CLASP1: variants seen among roughly 807,000 people sequenced by gnomAD.
CLASP1 encodes the protein cytoplasmic linker associated protein 1.
In CLASP1, 38 loss-of-function variants were observed where a neutral mutation model predicts 192.3. That is an observed-to-expected ratio of 0.20 (90% CI 0.15 to 0.26). The LOEUF (loss-of-function observed/expected upper bound fraction) is 0.26, where lower values mean the gene tolerates loss of function less well. CLASP1 is among the 10% of genes least tolerant of loss of function. CLASP1 has a pLI of 1.00. For synonymous variants in CLASP1, 691 were observed against 712.8 expected (o/e 0.97, Z 0.49); for missense variants, 1,433 against 1,932.5 (o/e 0.74, Z 4.85).
chr2:121,634,818 C>T (rs1205109898), intron 1 of CLASP1, among the ~76,000 whole-genome samples: 2 of 152,054 alleles, frequency 1.3e-5, no homozygotes, highest in African/African-American at 4.8e-5. Flanking sequence ...GGATCCCATG[C>T]CTGGAGGATA....
chr2:121,368,388 A>C (rs764298732), intron 34 of CLASP1, among the ~76,000 whole-genome samples: 15 of 152,106 alleles, frequency 9.9e-5, no homozygotes, highest in Non-Finnish European at 1.8e-4. Context: ...CTTCTTTTAG[A>C]TATTTCTGAC....
intron 9 of CLASP1, among the ~76,000 whole-genome samples, chr2:121,469,085 C>T (rs779081668): frequency 6.6e-6 from 1 of 152,188 alleles, no homozygotes; most frequent in East Asian, 1.9e-4. Flanking sequence ...GTCACTCTTC[C>T]GTGGGGCTGC....
intron 8 of CLASP1, among the ~76,000 whole-genome samples, chr2:121,482,197 G>C (rs1476268249): frequency 1.3e-5 from 2 of 152,160 alleles, no homozygotes; most frequent in Non-Finnish European, 2.9e-5. Context: ...GACTCTTCCT[G>C]AACAGATGTA....
exon 22 of CLASP1, chr2:121,425,149 T>C (rs1403818244): frequency 6.2e-7 from 1 of 1,610,648 alleles, no homozygotes; most frequent in Non-Finnish European, 8.5e-7. Flanking sequence ...CTAATCCTAT[T>C]CGGTTTGGAC....
intron 6 of CLASP1, among the ~76,000 whole-genome samples, chr2:121,518,228 T>C (rs2094366433): frequency 1.2e-5 from 1 of 85,488 alleles, no homozygotes; most frequent in South Asian, 4.2e-4. Flanking sequence ...GAGACCCCCG[T>C]CTCAAAAAAA....
Position 121,372,869 on chromosome 2 carries a change from C to T in CLASP1, c.3642+4630G>A, listed in dbSNP as rs1464659730. Among the ~76,000 whole-genome samples, 6 of 152,174 alleles carry T rather than the reference C, an allele frequency of 3.9e-5. No homozygotes were observed. In the South Asian group the frequency reaches 6.2e-4, roughly 16 times the overall value. On this transcript the variant is annotated intron_variant, in intron 34 of 39. Transcript: ENST00000263710. ...TGAATCTCCCCAACCACTCCTCATG[C>T]CCACTCTTCTCCACTTCAGCCACTT... is the stretch of plus-strand genomic sequence containing the variant.
chr2:121,437,157 T>TG (rs2082444051), intron 19 of CLASP1, among the ~76,000 whole-genome samples: 2 of 152,044 alleles, frequency 1.3e-5, no homozygotes, highest in South Asian at 4.1e-4. Flanking sequence ...TTGGTAGAGA[T>TG]GGGGTCTCAC....
intron 1 of CLASP1, among the ~76,000 whole-genome samples, chr2:121,621,343 C>G (rs1246282105): frequency 6.6e-6 from 1 of 152,016 alleles, no homozygotes; most frequent in Non-Finnish European, 1.5e-5. Flanking sequence ...CTATGTTGCC[C>G]AGGCTGATCT....
chr2:121,460,050 C>T (rs1238809142), exon 12 of CLASP1: 1 of 1,613,466 alleles, frequency 6.2e-7, no homozygotes, highest in East Asian at 2.2e-5. Context: ...AAGGCTCCAT[C>T]CAAAAGACGC....
chr2:121,459,302 C>T (rs2087373922), intron 12 of CLASP1, among the ~76,000 whole-genome samples: 1 of 152,086 alleles, frequency 6.6e-6, no homozygotes. Flanking sequence ...AGCTGGGACT[C>T]CAGGCACATA....
chr2:121,596,909 G>C (rs1014155829), intron 2 of CLASP1, among the ~76,000 whole-genome samples: 3 of 152,112 alleles, frequency 2.0e-5, no homozygotes, highest in African/African-American at 7.2e-5. Flanking sequence ...AGACCACAGG[G>C]CAGAAGAAAA....
chr2:121,533,069 G>C (rs944599507), intron 2 of CLASP1, among the ~76,000 whole-genome samples: 1 of 152,126 alleles, frequency 6.6e-6, no homozygotes. Context: ...GAAAGCTGAC[G>C]TCAGCTTTTC....
intron 8 of CLASP1, among the ~76,000 whole-genome samples, chr2:121,472,067 A>C (rs2090840063): frequency 6.6e-6 from 1 of 152,186 alleles, no homozygotes; most frequent in Non-Finnish European, 1.5e-5. Flanking sequence ...CTTAAATCAT[A>C]ATCATTCTGC....
intron 39 of CLASP1, among the ~76,000 whole-genome samples, chr2:121,344,659 G>A (rs1392132750): frequency 2.0e-5 from 3 of 152,092 alleles, no homozygotes; most frequent in Non-Finnish European, 4.4e-5. Context: ...AGCAAAAGGA[G>A]AGCGTGTTCC....
chr2:121,634,400 A>T (rs2070407052), intron 1 of CLASP1, among the ~76,000 whole-genome samples: 1 of 152,050 alleles, frequency 6.6e-6, no homozygotes, highest in Non-Finnish European at 1.5e-5. Context: ...TTTTAGGCCC[A>T]TTTCTTATTA....
chr2:121,644,969 A>G (rs562061186), intron 1 of CLASP1, among the ~76,000 whole-genome samples: 1 of 151,420 alleles, frequency 6.6e-6, no homozygotes, highest in African/African-American at 2.4e-5. Context: ...AAAAAAACAA[A>G]AAAAAAAAAA....
At chr2:121,514,339 C>T (rs116123396) in intron 7 of CLASP1, among the ~76,000 whole-genome samples, 3 of 152,258 alleles carry the variant, frequency 2.0e-5, no homozygotes, top group Non-Finnish European at 2.9e-5. Context: ...ACGGTGACTT[C>T]GTCATTAAAC....
At chr2:121,387,185 G>C in exon 32 of CLASP1, 4 of 1,611,972 alleles carry the variant, frequency 2.5e-6, no homozygotes, top group South Asian at 1.1e-5. Context: ...CCTGCTGCTG[G>C]TGTGTCGGGA....
chr2:121,368,303 T>G (rs562098930), intron 34 of CLASP1, among the ~76,000 whole-genome samples: 61 of 152,318 alleles, frequency 4.0e-4, no homozygotes, highest in African/African-American at 1.4e-3. Context: ...CTATATGTAT[T>G]CCTGCCTAGT....
Sources: gnomAD v4.1 joint callset for allele counts (sites outside exome capture counted in the v4.1 genomes callset) on GRCh38, gnomAD v4.1.1 for gene constraint, MANE v1.5 for transcripts, NCBI Gene and HGNC (gene_info 2026-07-23, HGNC 2026-07-21) for gene names.